CEP44: variants seen among roughly 807,000 people sequenced by gnomAD.
CEP44 encodes the protein centrosomal protein 44.
In CEP44, 45 loss-of-function variants were observed where a neutral mutation model predicts 46.7. That is an observed-to-expected ratio of 0.96 (90% CI 0.76 to 1.24). The LOEUF is 1.24. CEP44 is among the 50% of genes most tolerant of loss of function. The probability of loss-of-function intolerance (pLI) is 0.00; values close to 1 mark genes in which losing one functional copy is unlikely to be tolerated. For synonymous variants in CEP44, 142 were observed against 146.0 expected (o/e 0.97, Z 0.20); for missense variants, 475 against 459.7 (o/e 1.03, Z -0.30).
At chr4:174,306,624 T>C (rs1334062726) in intron 6 of CEP44, among the ~76,000 whole-genome samples, 1 of 152,096 alleles carries the variant, frequency 6.6e-6, no homozygotes, top group Non-Finnish European at 1.5e-5. Flanking sequence ...TTGATATATA[T>C]ATTATATGTG....
chr4:174,298,215 G>A (rs530555182), intron 2 of CEP44, among the ~76,000 whole-genome samples, 153 bp downstream of exon 2: 1,344 of 114,484 alleles, frequency 0.012, 17 homozygotes, highest in African/African-American at 0.038. Context: ...TCGCTCTGTC[G>A]CCCAGGCTGG....
Position 174,283,955 on chromosome 4 carries a change from G to A in CEP44, c.-148+12G>A, listed in dbSNP as rs931080062. The stretch of plus-strand genomic sequence containing the variant: ...AAGGTCTTGCGGTGGTGCGTGGCGG[G>A]CAGGAACCCACAATTCCAAATACAA... On this transcript the variant is annotated intron_variant, in intron 1 of 11. Transcript: ENST00000503780. The surrounding 1 kb of genome is among the most constrained non-coding windows in gnomAD (Gnocchi z 6.7). The A allele has an allele frequency of 5.8e-5, 23 of 399,150 alleles. No individual in the cohort carries two copies. The highest frequency in any genetic ancestry group is 1.4e-4 in the East Asian group (4 of 28,080). The allele number at this position is 399,150 out of a possible 1,614,324, so 24.7% of individuals were successfully genotyped here. A position where few individuals can be genotyped will look rare whatever the true frequency, so the allele number is the denominator to read the frequency against.
chr4:174,291,787 C>T (rs144280722), intron 1 of CEP44, among the ~76,000 whole-genome samples: 1,336 of 46,430 alleles, frequency 0.029, 62 homozygotes, highest in South Asian at 0.075. Context: ...TTTTTCTTTT[C>T]TTTTTTTTTT....
intron 4 of CEP44, among the ~76,000 whole-genome samples, chr4:174,302,485 G>A (rs183329726): frequency 7.8e-4 from 118 of 152,068 alleles, no homozygotes; most frequent in African/African-American, 2.7e-3. Context: ...AGAGAGTAAT[G>A]TAATTATATT....
At chr4:174,284,354 A>G (rs1316389952) in intron 1 of CEP44, 2 of 290,454 alleles carry the variant, frequency 6.9e-6, no homozygotes, top group East Asian at 5.7e-5. Flanking sequence ...AGCTCATCCT[A>G]TCAGAATTAG....
chr4:174,310,021 A>G lies in CEP44; in HGVS notation c.850A>G (p.Thr284Ala). 6.2e-7 allele frequency: 1 copy of G among 1,612,142 alleles called. No homozygotes were observed. The highest frequency in any genetic ancestry group is 8.5e-7 in the Non-Finnish European group (1 of 1,178,880). ...CTGGACTAATCTTCTTAGTCGTGTC[A>G]CTCTTCTTGAAACAGAAATGCTTTT... ...NTWTNLLSRV[T>A]LLETEMLLSK... The change falls in exon 8 of 12, where the codon ACT (threonine) becomes GCT (alanine). Residue 284 changes from threonine to alanine, a missense_variant. By Grantham distance (58) the Thr-to-Ala change is moderately conservative. Coordinates refer to ENST00000503780, the MANE Select transcript of CEP44 (RefSeq NM_001040157.3). The surrounding 1 kb of genome is among the most constrained non-coding windows in gnomAD (Gnocchi z 4.2).
Position 174,319,060 on chromosome 4 carries a change from G to C in CEP44, c.*1677G>C, listed in dbSNP as rs1742045529. The C allele has an allele frequency of 1.3e-6, 1 of 769,496 alleles. No homozygotes were observed. The allele number at this position is 769,496 out of a possible 1,614,324, so 47.7% of individuals were successfully genotyped here. ...GTGAGCTAAAGCTACTCGCCCACCT[G>C]GATGTCCCAAAGTGCTAGATTCCAT... On this transcript the variant is annotated 3_prime_UTR_variant, in exon 12 of 12. Transcript: ENST00000503780.
chr4:174,313,047 G>C (rs1405197609), intron 9 of CEP44, among the ~76,000 whole-genome samples: 1 of 152,080 alleles, frequency 6.6e-6, no homozygotes, highest in Non-Finnish European at 1.5e-5. Context: ...TGCTGTCAGG[G>C]AGCAGGAGCA....
chr4:174,317,982 T>G lies in CEP44; in HGVS notation c.*599T>G, dbSNP rs1335193362. 2 of 985,102 alleles carry G rather than the reference T, an allele frequency of 2.0e-6. No homozygotes were observed. The highest frequency in any genetic ancestry group is 2.4e-6 in the Non-Finnish European group (2 of 829,758). 61.0% of individuals were successfully genotyped at this position (985,102 alleles called of 1,614,324 possible). ...TGGGAAACAGGCTGGAGGACTATGG[T>G]CCTCAAGTTTAGACCAAGAGGACTA... On this transcript the variant is annotated 3_prime_UTR_variant, in exon 12 of 12. Coordinates refer to ENST00000503780, the MANE Select transcript of CEP44 (RefSeq NM_001040157.3).
Position 174,320,217 on chromosome 4 carries a change from G to A in CEP44, c.*2834G>A. Reference sequence around the variant, plus strand: ...CAACTGTATGAAAATTCTAGGTAAAGCTAAGTACTATTGAGTTGGAAAAAA... The same window carrying A: ...CAACTGTATGAAAATTCTAGGTAAAACTAAGTACTATTGAGTTGGAAAAAA... On this transcript the variant is annotated 3_prime_UTR_variant, in exon 12 of 12. Coordinates refer to ENST00000503780, the MANE Select transcript of CEP44 (RefSeq NM_001040157.3). 1 of 985,092 alleles carries A rather than the reference G, an allele frequency of 1.0e-6. No individual in the cohort carries two copies. Among genetic ancestry groups the A allele is most frequent in the Non-Finnish European group, 1.2e-6 (1 of 829,780 alleles). 61.0% of individuals were successfully genotyped at this position (985,092 alleles called of 1,614,324 possible).
intron 6 of CEP44, among the ~76,000 whole-genome samples, chr4:174,307,092 C>T (rs1018454545): frequency 1.3e-5 from 2 of 152,082 alleles, no homozygotes; most frequent in Non-Finnish European, 2.9e-5. Context: ...TGACAGTCTT[C>T]AGAGAACTAA....
At chr4:174,307,576 C>G (rs1740571331) in intron 6 of CEP44, among the ~76,000 whole-genome samples, 1 of 152,106 alleles carries the variant, frequency 6.6e-6, no homozygotes, top group Admixed American at 6.6e-5. Flanking sequence ...ACGAAGACGC[C>G]AAAGGCAATT....
At chr4:174,304,492 T>A (rs1294833119) in intron 6 of CEP44, 123 bp downstream of exon 6, 1 of 1,308,198 alleles carries the variant, frequency 7.6e-7, no homozygotes, top group Non-Finnish European at 1.0e-6. Context: ...GTTCATTGAT[T>A]TTTAACAGTG....
Position 174,309,866 on chromosome 4 carries a change from C to T in CEP44, c.695C>T (p.Pro232Leu), listed in dbSNP as rs751584812. 3 of 1,604,866 alleles carry T rather than the reference C, an allele frequency of 1.9e-6. No individual in the cohort carries two copies. The highest frequency in any genetic ancestry group is 2.6e-6 in the Non-Finnish European group (3 of 1,173,072). Residue 232 changes from proline to leucine, a missense_variant, in exon 8 of 12, where the codon CCT becomes CTT. Transcript: ENST00000503780. The surrounding 1 kb of genome is among the most constrained non-coding windows in gnomAD (Gnocchi z 5.3). ...CCTTTTTAGGATGTAAATGTTAATC[C>T]TGAGATTACTGCACTACAAACTATG... ...KAEQQDVNVN[P>L]EITALQTMLA...
At chr4:174,302,011 A>G in intron 3 of CEP44, 28 bp from the exon 4 acceptor site, 1 of 1,569,204 alleles carries the variant, frequency 6.4e-7, no homozygotes, top group Non-Finnish European at 8.6e-7. Context: ...AATGCTTATT[A>G]AAAATATTTT....
At chr4:174,327,882 G>T (rs1322145153) in intron 8 of CEP44, among the ~76,000 whole-genome samples, 1 of 152,068 alleles carries the variant, frequency 6.6e-6, no homozygotes, top group Non-Finnish European at 1.5e-5. Context: ...AGCTAAATCT[G>T]CATTTTGAAA....
In CEP44 at chr4:174,309,962, A is replaced by C; in HGVS notation, c.791A>C (p.Lys264Thr). ...IEKRLDCLEQ[K>T]MKGKVMVDEN... Reference sequence around the variant, plus strand: ...AAAAGGTTAGACTGTTTGGAACAAAAAATGAAAGGAAAAGTGATGGTAGAT... The same window carrying C: ...AAAAGGTTAGACTGTTTGGAACAAACAATGAAAGGAAAAGTGATGGTAGAT... Residue 264 changes from lysine to threonine, a missense_variant, in exon 8 of 12, where the codon AAA (lysine) becomes ACA (threonine). By Grantham distance (78) the Lys-to-Thr change is moderately conservative. Transcript: ENST00000503780. The surrounding 1 kb of genome is among the most constrained non-coding windows in gnomAD (Gnocchi z 5.3). The C allele has an allele frequency of 4.3e-6, 7 of 1,612,940 alleles. No homozygotes were observed. Among genetic ancestry groups the C allele is most frequent in the Non-Finnish European group, 5.9e-6 (7 of 1,179,282 alleles).
Position 174,287,138 on chromosome 4 carries a change from C to T in CEP44, c.-148+3195C>T, listed in dbSNP as rs1466347971. Among the ~76,000 whole-genome samples, 2 of 152,048 alleles carry T rather than the reference C, an allele frequency of 1.3e-5. No individual in the cohort carries two copies. Among genetic ancestry groups the T allele is most frequent in the African/African-American group, 4.8e-5 (2 of 41,398 alleles). ...ATCAAGAGGGGGAATCGGTGTATTC[C>T]TTCTATTTCTAGGCCATTGGGATAT... On this transcript the variant is annotated intron_variant, in intron 1 of 11. Transcript: ENST00000503780. The surrounding 1 kb of genome is among the most constrained non-coding windows in gnomAD (Gnocchi z 5.1).
rs11946084 is a variant in CEP44 at position 174,329,676 on chromosome 4, T to C, written c.1087-1806T>C. Among the ~76,000 whole-genome samples the C allele has an allele frequency of 0.28, 42,478 of 152,054 alleles. 6,913 individuals carry two copies. Among genetic ancestry groups the C allele is most frequent in the Non-Finnish European group, 0.38 (25,551 of 67,946 alleles). ...AAAAGGTACTTCATAACTTTTTTTT[T>C]TAGGTTTAGAGAAAGGATAAGACTG... On this transcript the variant is annotated intron_variant, in intron 8 of 8. Coordinates refer to the CEP44 transcript ENST00000426172. This position sits in a 1 kb window ranked among gnomAD's most constrained non-coding sequence, Gnocchi z 4.0.
Sources: gnomAD v4.1 joint callset for allele counts (sites outside exome capture counted in the v4.1 genomes callset) on GRCh38, gnomAD v4.1.1 for gene constraint, Gnocchi (gnomAD v3.1) non-coding constraint, MANE v1.5 for transcripts, NCBI Gene and HGNC (gene_info 2026-07-23, HGNC 2026-07-21) for gene names.